BRCA1: variants seen among roughly 807,000 people sequenced by gnomAD.
BRCA1 encodes the protein BRCA1 DNA repair associated.
BRCA1 carries 140 observed loss-of-function variants against 173.7 expected under a neutral mutation model. The observed-to-expected ratio is 0.81, with a 90% confidence interval of 0.70 to 0.93. BRCA1 has a LOEUF of 0.93. Among genes scored for constraint, BRCA1 ranks in the 40% least tolerant of loss-of-function variants. The probability of loss-of-function intolerance (pLI) is 0.00; values close to 1 mark genes in which losing one functional copy is unlikely to be tolerated. For synonymous variants in BRCA1, 662 were observed against 756.0 expected, an observed-to-expected ratio of 0.88 and a Z score of 2.04; for missense variants, 1,983 against 2,172.5, an observed-to-expected ratio of 0.91 and a Z score of 1.73.
intron 19 of BRCA1, 94 bp downstream of exon 19, chr17:43,056,958 G>A (rs2153338480): frequency 1.8e-6 from 2 of 1,141,708 alleles, no homozygotes; most frequent in Admixed American, 1.7e-5. Flanking sequence ...TATGTAATAA[G>A]TCTTACAAAA....
intron 18 of BRCA1, among the ~76,000 whole-genome samples, chr17:43,061,285 C>T (rs1242631624): frequency 6.6e-6 from 1 of 152,184 alleles, no homozygotes. Context: ...GAAAGGCTTT[C>T]CCTGGCCTCC....
intron 2 of BRCA1, among the ~76,000 whole-genome samples, chr17:43,117,985 C>A (rs777558172): frequency 6.6e-6 from 1 of 151,046 alleles, no homozygotes; most frequent in Non-Finnish European, 1.5e-5. Context: ...ACAGTTGATA[C>A]GGAATTAAAG....
chr17:43,142,992 G>GTGTGCA (rs1555603711), intron 1 of BRCA1, among the ~76,000 whole-genome samples: 24 of 146,100 alleles, frequency 1.6e-4, no homozygotes, highest in Non-Finnish European at 2.8e-4. Context: ...ATATATATAT[G>GTGTGCA]TATATATGTA....
In BRCA1 at chr17:43,091,935, G is replaced by A. The variant is rs587782458; in HGVS notation, c.3596C>T (p.Ala1199Val). ...SPSPFTHTHL[A>V]QGYRRGAKKL... ...CTTGGCCCCTCTTCGGTAACCCTGA[G>A]CCAAATGTGTATGGGTGAAAGGGCT... The change falls in exon 10 of 23, where the codon GCT becomes GTT. Residue 1199 changes from alanine (A) to valine (V), a missense_variant. Coordinates refer to ENST00000357654, the MANE Select transcript of BRCA1 (RefSeq NM_007294.4). 1.7e-5 allele frequency: 28 copies of A among 1,613,958 alleles called. No homozygotes were observed. In the East Asian group the frequency reaches 5.8e-4, roughly 33 times the overall value.
intron 6 of BRCA1, among the ~76,000 whole-genome samples, chr17:43,103,632 CTCTT>C (rs1302556466): frequency 6.6e-6 from 1 of 152,078 alleles, no homozygotes. Context: ...TAAGGTCTCT[CTCTT>C]GATTATATCA....
Position 43,082,493 on chromosome 17 carries a change from C to A in BRCA1, c.4268G>T (p.Ser1423Ile), listed in dbSNP as rs876660129. 3 of 1,614,162 alleles carry A rather than the reference C, an allele frequency of 1.9e-6. No individual in the cohort carries two copies. The highest frequency in any genetic ancestry group is 1.7e-6 in the Non-Finnish European group (2 of 1,179,994). The change falls in exon 12 of 23, where the codon AGC becomes ATC. Residue 1423 changes from serine (S) to isoleucine (I), a missense_variant. Transcript: ENST00000357654. ...ELEAVLEQHG[S>I]QPSNSYPSII... is the part of the protein sequence containing the mutation. ...GGAAGGGTAGCTGTTAGAAGGCTGG[C>A]TCCCATGCTGTTCTAACACAGCTTC...
chr17:43,101,994 C>G (rs1299175442), intron 6 of BRCA1, among the ~76,000 whole-genome samples: 1 of 152,022 alleles, frequency 6.6e-6, no homozygotes, highest in Non-Finnish European at 1.5e-5. Context: ...CCTTGACTCT[C>G]TATGTTAAAG....
intron 6 of BRCA1, among the ~76,000 whole-genome samples, chr17:43,103,040 G>A (rs1051972111): frequency 6.6e-6 from 1 of 151,932 alleles, no homozygotes; most frequent in Non-Finnish European, 1.5e-5. Context: ...CAAAGGGTTG[G>A]GATTATAGGC....
upstream of BRCA1, among the ~76,000 whole-genome samples, chr17:43,129,966 G>A (rs1192148899): frequency 6.6e-6 from 1 of 152,126 alleles, no homozygotes; most frequent in Admixed American, 6.6e-5. Flanking sequence ...CTGCGTTTTG[G>A]TGGTGAACTT....
Position 43,091,447 on chromosome 17 carries a change from C to A in BRCA1, c.4084G>T (p.Asp1362Tyr), listed in dbSNP as rs775463394. 2 of 1,613,748 alleles carry A rather than the reference C, an allele frequency of 1.2e-6. No individual in the cohort carries two copies. Among genetic ancestry groups the A allele is most frequent in the Non-Finnish European group, 1.7e-6 (2 of 1,179,934 alleles). Residue 1362 changes from aspartate (D) to tyrosine (Y), a missense_variant, in exon 10 of 23, where the codon GAT (aspartate) becomes TAT (tyrosine). Coordinates refer to ENST00000357654, the MANE Select transcript of BRCA1 (RefSeq NM_007294.4). ...CTGGTTCCAATACCTAAGTTTGAAT[C>A]CATGCTTTGCTCTTCTTGATTATTT... ...EENNQEEQSMDSNLGEAASGC... is the reference protein window; with the variant it reads ...EENNQEEQSMYSNLGEAASGC...
At chr17:43,068,161 C>T (rs2052229634) in intron 15 of BRCA1, among the ~76,000 whole-genome samples, 1 of 151,540 alleles carries the variant, frequency 6.6e-6, no homozygotes, top group African/African-American at 2.4e-5. Flanking sequence ...CCTGTAGTCT[C>T]AGCTACTCAG....
chr17:43,057,224 T>C (rs2153412807), intron 18 of BRCA1, 89 bp from the exon 19 acceptor site: 6 of 1,329,490 alleles, frequency 4.5e-6, no homozygotes, highest in Non-Finnish European at 5.4e-6. Flanking sequence ...ATTTAAGGCA[T>C]TCAGGCCAGG....
chr17:43,124,527 C>A (rs1470651546), intron 1 of BRCA1, among the ~76,000 whole-genome samples: 1 of 152,118 alleles, frequency 6.6e-6, no homozygotes, highest in Non-Finnish European at 1.5e-5. Flanking sequence ...TTCCCAGTGA[C>A]CTGCTCTCAT....
chr17:43,111,808 C>G (rs780850718), intron 3 of BRCA1, among the ~76,000 whole-genome samples: 20 of 151,308 alleles, frequency 1.3e-4, no homozygotes, highest in Non-Finnish European at 2.2e-4. Context: ...GGCGACAGAG[C>G]GAGACTCCGT....
At position 43,083,225 on chromosome 17, in the gene BRCA1, G is replaced by A. The variant is rs990223023; in HGVS notation, c.4186-650C>T. On this transcript the variant is annotated intron_variant, in intron 11 of 22. Transcript: ENST00000357654. ...CTGTCACCCAGGTTGGCACCATCTC[G>A]GCTCACTGCAACCTCTTCCTCCCAG... Among the ~76,000 whole-genome samples, 9 of 150,184 alleles carry A rather than the reference G, an allele frequency of 6.0e-5. No homozygotes were observed. In the South Asian group the frequency reaches 1.0e-3, roughly 18 times the overall value.
In BRCA1 at chr17:43,063,868, A is replaced by G. The variant is rs80358074; in HGVS notation, c.5152+6T>C. The G allele has an allele frequency of 6.2e-7, 1 of 1,608,504 alleles. No homozygotes were observed. On this transcript the variant is annotated splice_donor_region_variant and intron_variant, in intron 17 of 22. Transcript: ENST00000357654. The stretch of plus-strand genomic sequence containing the variant: ...GGGAGGAGGGGAGAAATAGTATTAT[A>G]CTTACAGAAATAGCTAACTACCCAT...
rs55737636 is a variant in BRCA1, at chr17:43,112,722, C to T, written c.134+3004G>A. The T allele has an allele frequency of 0.45, 68,168 of 151,706 alleles. 17,023 individuals carry two copies. Among genetic ancestry groups the T allele is most frequent in the African/African-American group, 0.68 (28,122 of 41,350 alleles). The allele number at this position is 151,706 out of a possible 1,614,324, so 9.4% of individuals were successfully genotyped here. A position where few individuals can be genotyped will look rare whatever the true frequency, so the allele number is the denominator to read the frequency against. Reference sequence around the variant, plus strand: ...TGGTTCTTTCCTGACTATCACAATCCTGACTATCACAAGCTTGAAACCAAG... The same window carrying T: ...TGGTTCTTTCCTGACTATCACAATCTTGACTATCACAAGCTTGAAACCAAG... On this transcript the variant is annotated intron_variant, in intron 3 of 22. Transcript: ENST00000357654.
At chr17:43,064,827 ATTTT>A (rs60879064) in intron 16 of BRCA1, among the ~76,000 whole-genome samples, 8 of 106,684 alleles carry the variant, frequency 7.5e-5, no homozygotes, top group African/African-American at 2.9e-4. Context: ...TTTGATTTGC[ATTTT>A]TTTTTTTTTT....
chr17:43,048,901 A>G (rs1423223652), intron 21 of BRCA1, among the ~76,000 whole-genome samples: 2 of 152,084 alleles, frequency 1.3e-5, no homozygotes, highest in African/African-American at 4.8e-5. Flanking sequence ...CATATGGGAA[A>G]AAGAGTTAGA....
Sources: allele counts gnomAD v4.1 joint callset (sites outside exome capture counted in the v4.1 genomes callset), GRCh38; gene constraint gnomAD v4.1.1; transcripts MANE v1.5; gene names NCBI Gene and HGNC (gene_info 2026-07-23, HGNC 2026-07-21).